The following CBFA2T3 variants were observed in gnomAD, a reference collection of about 807,000 sequenced individuals.
CBFA2T3 encodes the protein CBFA2/RUNX1 partner transcriptional co-repressor 3.
Under a neutral mutation model 58.6 loss-of-function variants are expected in CBFA2T3, and 31 were observed. The observed-to-expected ratio is 0.53, with a 90% confidence interval of 0.40 to 0.71. The LOEUF (loss-of-function observed/expected upper bound fraction) is 0.71, where lower values mean the gene tolerates loss of function less well. Among genes scored for constraint, CBFA2T3 ranks in the 30% least tolerant of loss-of-function variants. The pLI, the probability that CBFA2T3 is intolerant of heterozygous loss-of-function variation, is 0.00. For synonymous variants in CBFA2T3, 531 were observed against 421.9 expected, an observed-to-expected ratio of 1.26 and a Z score of -3.17; for missense variants, 1,076 against 963.1, an observed-to-expected ratio of 1.12 and a Z score of -1.55.
At chr16:88,967,089 C>T (rs1056523437) in intron 1 of CBFA2T3, among the ~76,000 whole-genome samples, 3 of 151,528 alleles carry the variant, frequency 2.0e-5, no homozygotes, top group Non-Finnish European at 4.4e-5. Context: ...GAGAACAGTG[C>T]GCTGGTGTGT....
At chr16:88,892,218 G>A (rs1489150039) in intron 4 of CBFA2T3, 26 bp downstream of exon 4, 7 of 1,597,224 alleles carry the variant, frequency 4.4e-6, no homozygotes, top group African/African-American at 1.3e-5. Flanking sequence ...ATGTCCCAAG[G>A]CCCCGGCTGT....
chr16:88,976,326 T>C (rs1972859753), intron 1 of CBFA2T3, among the ~76,000 whole-genome samples: 1 of 151,964 alleles, frequency 6.6e-6, no homozygotes, highest in Non-Finnish European at 1.5e-5. Flanking sequence ...GACCCCCCCA[T>C]CACTTCCCGG....
Position 88,892,271 on chromosome 16 carries a change from G to A in CBFA2T3, c.594C>T (p.Arg198=), listed in dbSNP as rs570419348. The A allele has an allele frequency of 1.7e-5, 28 of 1,611,372 alleles. No individual in the cohort carries two copies. The highest frequency in any genetic ancestry group is 9.9e-5 in the South Asian group (9 of 91,026). Residue 198 remains arginine (R), a synonymous_variant, in exon 4 of 12, where the codon CGC becomes CGT. Transcript: ENST00000268679. Reference sequence around the variant, plus strand: ...CCAGGCCCAGCACCAGTGTGCGCACGCGCTCCCCAATCTCTGGGGAGATGT... The same window carrying A: ...CCAGGCCCAGCACCAGTGTGCGCACACGCTCCCCAATCTCTGGGGAGATGT... The part of the protein sequence containing the change: ...GSDISPEIGE[R]VRTLVLGLVN...
At chr16:88,888,173 C>A (rs1969458847) in intron 5 of CBFA2T3, among the ~76,000 whole-genome samples, 1 of 151,976 alleles carries the variant, frequency 6.6e-6, no homozygotes, top group African/African-American at 2.4e-5. Context: ...CAAGCCAGGG[C>A]TGGGGTTCCA....
rs1179371298 is a variant in CBFA2T3 at position 88,953,183 on chromosome 16, G to A, written c.151+23474C>T. ...AGTGCCGTGCCTGGGCTGGGCCATC[G>A]CCTCTCTCCCTCGGCTGGGTTTGTC... On this transcript the variant is annotated intron_variant, in intron 1 of 11. Coordinates refer to ENST00000268679, the MANE Select transcript of CBFA2T3 (RefSeq NM_005187.6). This position sits in a 1 kb window ranked among gnomAD's most constrained non-coding sequence, Gnocchi z 4.9. Among the ~76,000 whole-genome samples the A allele has an allele frequency of 1.3e-5, 2 of 152,210 alleles. No homozygotes were observed. The highest frequency in any genetic ancestry group is 2.9e-5 in the Non-Finnish European group (2 of 68,020).
At chr16:88,884,300 G>C (rs142790059) in intron 7 of CBFA2T3, 1 of 152,374 alleles carries the variant, frequency 6.6e-6, no homozygotes, top group African/African-American at 2.4e-5. Context: ...CTGGGCCTCT[G>C]TCTCAGCATG....
At chr16:88,886,893 G>A (rs980992488) in intron 5 of CBFA2T3, 1 of 152,316 alleles carries the variant, frequency 6.6e-6, no homozygotes, top group South Asian at 2.1e-4. Flanking sequence ...TCCGTATGCA[G>A]ACCCTGCCTT....
intron 1 of CBFA2T3, among the ~76,000 whole-genome samples, chr16:88,905,545 C>G (rs1041554964): frequency 2.0e-5 from 3 of 151,680 alleles, no homozygotes; most frequent in African/African-American, 7.3e-5. Flanking sequence ...GGGTAGCCTT[C>G]AAAGGAAGGC....
chr16:88,962,901 C>T (rs1356460687), intron 1 of CBFA2T3, among the ~76,000 whole-genome samples: 1 of 152,200 alleles, frequency 6.6e-6, no homozygotes, highest in African/African-American at 2.4e-5. Flanking sequence ...GGCAACCCCA[C>T]CCCGCGTGTC....
In CBFA2T3 at chr16:88,880,799, G is replaced by A; in HGVS notation, c.1403-11C>T. The A allele has an allele frequency of 6.3e-7, 1 of 1,574,974 alleles. No individual in the cohort carries two copies. Among genetic ancestry groups the A allele is most frequent in the Non-Finnish European group, 8.6e-7 (1 of 1,159,916 alleles). On this transcript the variant is annotated splice_polypyrimidine_tract_variant and intron_variant, in intron 9 of 11. Transcript: ENST00000268679. ...ACTCGCGAGGCACGTCTGAAACAGG[G>A]GCCGGCGTCACACAGGATGGGCCAC...
At chr16:88,905,828 C>T (rs1253162360) in intron 1 of CBFA2T3, among the ~76,000 whole-genome samples, 1 of 151,146 alleles carries the variant, frequency 6.6e-6, no homozygotes, top group East Asian at 1.9e-4. Context: ...GGCTGCCCAG[C>T]TGCAGGACAG....
At chr16:88,877,702 C>T (rs536047809) in intron 11 of CBFA2T3, among the ~76,000 whole-genome samples, 187 of 152,190 alleles carry the variant, frequency 1.2e-3, no homozygotes, top group African/African-American at 4.2e-3. Flanking sequence ...CTCTGCTGCA[C>T]CCCCTCCACC....
intron 3 of CBFA2T3, among the ~76,000 whole-genome samples, chr16:88,897,120 C>G (rs1169748620): frequency 6.6e-6 from 1 of 152,260 alleles, no homozygotes; most frequent in Non-Finnish European, 1.5e-5. Context: ...CCTGTCACCC[C>G]TGCTCCTTGC....
chr16:88,963,834 C>G (rs1972427997), intron 1 of CBFA2T3, among the ~76,000 whole-genome samples: 2 of 152,364 alleles, frequency 1.3e-5, no homozygotes, highest in South Asian at 4.1e-4. Context: ...TGCAGGGAGG[C>G]TCGGGTCCGT....
intron 1 of CBFA2T3, among the ~76,000 whole-genome samples, chr16:88,913,658 G>A (rs537880983): frequency 2.3e-4 from 35 of 152,258 alleles, no homozygotes; most frequent in South Asian, 6.2e-4. Flanking sequence ...GGTCTCAGCC[G>A]GGACCAGCAA....
At chr16:88,944,066 G>A (rs117211274) in intron 1 of CBFA2T3, among the ~76,000 whole-genome samples, 4,695 of 152,182 alleles carry the variant, frequency 0.031, 95 homozygotes, top group Middle Eastern at 0.13. Context: ...GGCCGGGTGC[G>A]GTGGGTCACG....
intron 1 of CBFA2T3, among the ~76,000 whole-genome samples, chr16:88,906,142 T>C (rs894687681): frequency 3.9e-5 from 6 of 152,058 alleles, no homozygotes; most frequent in African/African-American, 1.4e-4. Flanking sequence ...CCCCAAGCAG[T>C]GTGGGGAGTC....
intron 1 of CBFA2T3, among the ~76,000 whole-genome samples, chr16:88,908,629 C>G (rs930326979): frequency 1.3e-5 from 2 of 152,184 alleles, no homozygotes; most frequent in African/African-American, 4.8e-5. Context: ...CCTGGGAGTT[C>G]CAGAACTCTC....
chr16:88,934,738 G>A (rs529179216), intron 1 of CBFA2T3, among the ~76,000 whole-genome samples: 1 of 152,320 alleles, frequency 6.6e-6, no homozygotes, highest in Admixed American at 6.5e-5. Context: ...AGTTCAGAAG[G>A]ACGCATTCTT....
Sources: allele counts gnomAD v4.1 joint callset (sites outside exome capture counted in the v4.1 genomes callset), GRCh38; gene constraint gnomAD v4.1.1; non-coding constraint Gnocchi (gnomAD v3.1); transcripts MANE v1.5; gene names NCBI Gene and HGNC (gene_info 2026-07-23, HGNC 2026-07-21).